Variants in PTPRT observed in about 807,000 individuals in gnomAD.
The protein encoded by PTPRT is receptor-type tyrosine-protein phosphatase T.
Under a neutral mutation model 176.8 loss-of-function variants are expected in PTPRT, and 56 were observed. That is an observed-to-expected ratio of 0.32 (90% CI 0.26 to 0.40). The LOEUF (loss-of-function observed/expected upper bound fraction) is 0.40, where lower values mean the gene tolerates loss of function less well. Ranked by LOEUF, PTPRT falls within the 10% of genes least tolerant of loss-of-function variation. The pLI is 1.00. For missense variants in PTPRT, 1,540 were observed against 1,908.2 expected, an observed-to-expected ratio of 0.81 and a Z score of 3.60; for synonymous variants, 783 against 739.0, an observed-to-expected ratio of 1.06 and a Z score of -0.96.
chr20:42,436,627 AT>A (rs1383349325), intron 9 of PTPRT, among the ~76,000 whole-genome samples: 1 of 152,198 alleles, frequency 6.6e-6, no homozygotes, highest in Non-Finnish European at 1.5e-5. Flanking sequence ...AGTTTGGAGT[AT>A]TTTTGTAAAA....
intron 7 of PTPRT, among the ~76,000 whole-genome samples, chr20:42,490,811 C>T (rs2145372660): frequency 6.6e-6 from 1 of 152,238 alleles, no homozygotes; most frequent in East Asian, 1.9e-4. Context: ...ATAATATTTG[C>T]TGTAGAATTT....
intron 1 of PTPRT, among the ~76,000 whole-genome samples, chr20:43,020,224 A>AATATATATAT (rs3030256): frequency 1.2e-4 from 17 of 145,030 alleles, no homozygotes; most frequent in African/African-American, 4.2e-4. Flanking sequence ...TTAATTATGT[A>AATATATATAT]ATATATATAT....
intron 7 of PTPRT, among the ~76,000 whole-genome samples, chr20:42,476,262 C>A (rs1339012212): frequency 1.3e-5 from 2 of 152,122 alleles, no homozygotes; most frequent in African/African-American, 4.8e-5. Flanking sequence ...TATGCTGAGA[C>A]TCCAGTGGAA....
intron 1 of PTPRT, among the ~76,000 whole-genome samples, chr20:42,982,631 G>T (rs1192886202): frequency 6.6e-6 from 1 of 151,884 alleles, no homozygotes; most frequent in Non-Finnish European, 1.5e-5. Context: ...TGGATCGAAA[G>T]GGGAGGAGCG....
intron 17 of PTPRT, among the ~76,000 whole-genome samples, chr20:42,157,802 G>A (rs1274227965): frequency 6.6e-6 from 1 of 152,192 alleles, no homozygotes; most frequent in African/African-American, 2.4e-5. Context: ...GGGCCACAAC[G>A]GTGATGCACT....
chr20:42,927,075 G>A (rs990959892), intron 1 of PTPRT, among the ~76,000 whole-genome samples: 3 of 152,204 alleles, frequency 2.0e-5, no homozygotes, highest in Non-Finnish European at 2.9e-5. Context: ...CTCTTGATGT[G>A]ACTTTCGATG....
chr20:42,328,433 C>A (rs1428210305), intron 11 of PTPRT, among the ~76,000 whole-genome samples: 1 of 152,096 alleles, frequency 6.6e-6, no homozygotes, highest in African/African-American at 2.4e-5. Context: ...AACTATTCCT[C>A]TAACATACTA....
chr20:42,062,940 A>G, the PTPRT span, among the ~76,000 whole-genome samples: 2 of 152,246 alleles, frequency 1.3e-5, no homozygotes, highest in African/African-American at 4.8e-5. Context: ...CTTCAGGTTC[A>G]GCCAGCATCC....
At chr20:42,475,680 G>A (rs2071276490) in intron 7 of PTPRT, among the ~76,000 whole-genome samples, 1 of 152,210 alleles carries the variant, frequency 6.6e-6, no homozygotes, top group Non-Finnish European at 1.5e-5. Context: ...ACCTGCGGGA[G>A]AGAGTGGTAC....
chr20:42,662,299 T>C (rs1569064414), intron 7 of PTPRT, among the ~76,000 whole-genome samples: 1 of 152,094 alleles, frequency 6.6e-6, no homozygotes, highest in East Asian at 1.9e-4. Flanking sequence ...TACCAAAGGC[T>C]CCAATTTACT....
chr20:43,019,165 G>C (rs1486007432), intron 1 of PTPRT, among the ~76,000 whole-genome samples: 1 of 152,194 alleles, frequency 6.6e-6, no homozygotes, highest in South Asian at 2.1e-4. Context: ...AGCTATTGTA[G>C]AAAGATCATT....
At chr20:42,290,483 G>A (rs965084191) in intron 12 of PTPRT, among the ~76,000 whole-genome samples, 1 of 152,002 alleles carries the variant, frequency 6.6e-6, no homozygotes, top group Non-Finnish European at 1.5e-5. Flanking sequence ...ATGGAGAATG[G>A]GGTAGAAAAG....
intron 7 of PTPRT, among the ~76,000 whole-genome samples, chr20:42,589,525 AG>A (rs1278252395): frequency 1.6e-4 from 25 of 152,328 alleles, no homozygotes; most frequent in African/African-American, 6.0e-4. Context: ...CACTTACTTT[AG>A]AAAGTAGAGA....
chr20:42,475,840 C>G (rs1177146325), intron 7 of PTPRT, among the ~76,000 whole-genome samples: 1 of 152,140 alleles, frequency 6.6e-6, no homozygotes, highest in Non-Finnish European at 1.5e-5. Context: ...TTAAAGAAGA[C>G]AAGGATATCG....
intron 9 of PTPRT, among the ~76,000 whole-genome samples, chr20:42,445,593 A>C (rs376870764): frequency 3.7e-4 from 56 of 152,362 alleles, no homozygotes; most frequent in African/African-American, 1.3e-3. Context: ...TCTTTACAGC[A>C]TCCCTCAATA....
At chr20:42,926,459 C>A (rs1337928166) in intron 1 of PTPRT, among the ~76,000 whole-genome samples, 2 of 152,274 alleles carry the variant, frequency 1.3e-5, no homozygotes, top group Middle Eastern at 3.4e-3. Context: ...TTTGAAGGAG[C>A]TTATAGCAAT....
At position 42,603,526 on chromosome 20, in the gene PTPRT, G is replaced by A. The variant is rs549698957; in HGVS notation, c.1153+74340C>T. ...AGGAGATGAGCTTTGAGAGGCTGGT[G>A]CGACTAGATCTTGCTGGGCCTTGTG... is the stretch of plus-strand genomic sequence containing the variant. On this transcript the variant is annotated intron_variant, in intron 7 of 30. Transcript: ENST00000373187. 2.3e-4 allele frequency among the ~76,000 whole-genome samples: 35 copies of A among 152,290 alleles called. 1 individual carries two copies. The South Asian group carries it at 7.3e-3, about 32-fold the overall frequency.
intron 16 of PTPRT, among the ~76,000 whole-genome samples, chr20:42,180,322 GA>G (rs1467204894): frequency 2.0e-5 from 3 of 151,822 alleles, no homozygotes; most frequent in Non-Finnish European, 4.4e-5. Context: ...CTCTAATAGA[GA>G]CACTCTTTCC....
chr20:42,790,701 C>T (rs2077361617), intron 3 of PTPRT, among the ~76,000 whole-genome samples: 2 of 152,166 alleles, frequency 1.3e-5, no homozygotes, highest in South Asian at 4.1e-4. Context: ...CCCTCCCTCC[C>T]TTTTAAAATA....
Sources: allele counts gnomAD v4.1 joint callset (sites outside exome capture counted in the v4.1 genomes callset), GRCh38; gene constraint gnomAD v4.1.1; transcripts MANE v1.5; gene names NCBI Gene and HGNC (gene_info 2026-07-23, HGNC 2026-07-21).